Variants in DNM3 observed in about 807,000 individuals in gnomAD.
DNM3 encodes the protein dynamin-3.
DNM3 carries 47 observed loss-of-function variants against 101.6 expected under a neutral mutation model. The observed-to-expected ratio is 0.46, with a 90% CI of 0.37 to 0.59. DNM3 has a LOEUF of 0.59. DNM3 is among the 20% of genes least tolerant of loss of function. The probability of loss-of-function intolerance (pLI) is 0.00; values close to 1 mark genes in which losing one functional copy is unlikely to be tolerated. For synonymous variants in DNM3, 385 were observed against 387.9 expected (o/e 0.99, Z 0.09); for missense variants, 849 against 1,085.7 (o/e 0.78, Z 3.06).
rs1018562883 is a variant in DNM3, at chr1:172,056,656, C to G, written c.1335+7906C>G. Among the ~76,000 whole-genome samples the G allele has an allele frequency of 2.0e-5, 3 of 151,198 alleles. No homozygotes were observed. In the East Asian group the frequency reaches 5.8e-4, roughly 29 times the overall value. ...TCCTGTCTGTTAGAAGGAAAACTAACAAACAGAAAGGACATCCACACCAAA... is the reference window on the plus strand; with the variant it reads ...TCCTGTCTGTTAGAAGGAAAACTAAGAAACAGAAAGGACATCCACACCAAA... On this transcript the variant is annotated intron_variant, in intron 10 of 20. Transcript: ENST00000627582.
intron 1 of DNM3, among the ~76,000 whole-genome samples, chr1:171,888,586 T>A (rs1277090832): frequency 6.6e-6 from 1 of 152,200 alleles, no homozygotes; most frequent in Non-Finnish European, 1.5e-5. Context: ...TTTTCTAAAC[T>A]TCTAAGGTTA....
At chr1:172,238,612 A>G (rs749241556) in intron 14 of DNM3, among the ~76,000 whole-genome samples, 19 of 152,128 alleles carry the variant, frequency 1.2e-4, no homozygotes, top group Non-Finnish European at 2.4e-4. Flanking sequence ...ACCTGCTAGT[A>G]TCAGAGATCG....
At chr1:172,032,263 A>G in intron 4 of DNM3, 139 bp from the exon 5 acceptor site, 1 of 656,150 alleles carries the variant, frequency 1.5e-6, no homozygotes, top group Non-Finnish European at 2.7e-6. Context: ...CTCAAGTAGC[A>G]CTTAGAAAAC....
At chr1:172,164,098 A>G (rs1354035448) in intron 14 of DNM3, among the ~76,000 whole-genome samples, 4 of 152,064 alleles carry the variant, frequency 2.6e-5, no homozygotes, top group Non-Finnish European at 5.9e-5. Context: ...ACTAACCACT[A>G]ACTGAGCTTT....
intron 14 of DNM3, among the ~76,000 whole-genome samples, chr1:172,213,768 T>C (rs1226531569): frequency 6.6e-5 from 10 of 150,882 alleles, no homozygotes; most frequent in Non-Finnish European, 1.3e-4. Flanking sequence ...GTAGAGGTTG[T>C]GCTGAACCAA....
In DNM3 at chr1:171,883,363, C is replaced by CCA. The variant is rs71107337; in HGVS notation, c.162-38335_162-38334dup. Among the ~76,000 whole-genome samples the CCA allele has an allele frequency of 5.8e-3, 699 of 119,984 alleles. 4 individuals carry two copies. Among genetic ancestry groups the CCA allele is most frequent in the Non-Finnish European group, 6.7e-3 (390 of 57,900 alleles). 78.7% of individuals were successfully genotyped at this position (119,984 alleles called of 152,430 possible). On this transcript the variant is annotated intron_variant, in intron 1 of 20. Transcript: ENST00000627582. ...CCATCTCTAAAAAAACAAAAAAGGA[C>CCA]CACACACACACACACACACACACAC...
intron 12 of DNM3, among the ~76,000 whole-genome samples, chr1:172,090,814 T>A (rs2053857648): frequency 6.6e-6 from 1 of 152,186 alleles, no homozygotes; most frequent in South Asian, 2.1e-4. Context: ...TTCTAACTTG[T>A]TACTGCAGCA....
chr1:172,263,037 G>A (rs12737669), intron 15 of DNM3, among the ~76,000 whole-genome samples: 61,814 of 151,968 alleles, frequency 0.41, 13,536 homozygotes, highest in Admixed American at 0.48. Flanking sequence ...GTAAAATAAT[G>A]TTTTTCATAT....
intron 17 of DNM3, among the ~76,000 whole-genome samples, chr1:172,332,990 G>A (rs1326530277): frequency 1.3e-5 from 2 of 152,268 alleles, no homozygotes; most frequent in African/African-American, 4.8e-5. Context: ...GGAAGAAAGT[G>A]CAGAAACCAA....
chr1:172,282,318 C>T (rs2063521103), intron 15 of DNM3, among the ~76,000 whole-genome samples: 1 of 152,150 alleles, frequency 6.6e-6, no homozygotes, highest in Admixed American at 6.6e-5. Flanking sequence ...ATAATAATCA[C>T]TACCAGTCAC....
At chr1:172,068,154 C>T (rs182998615) in intron 10 of DNM3, among the ~76,000 whole-genome samples, 1 of 152,126 alleles carries the variant, frequency 6.6e-6, no homozygotes, top group Non-Finnish European at 1.5e-5. Flanking sequence ...ATGGTGAAAC[C>T]CTGTCTTTAC....
In DNM3 at chr1:171,905,915, A is replaced by G. The variant is rs2038785129; in HGVS notation, c.162-15833A>G. Reference sequence around the variant, plus strand: ...TTGGAAGTAAAGAGTTTTTAATTCCAGGAGGTGGCCCTCTACTGATGTAAG... The same window carrying G: ...TTGGAAGTAAAGAGTTTTTAATTCCGGGAGGTGGCCCTCTACTGATGTAAG... On this transcript the variant is annotated intron_variant, in intron 1 of 20. Coordinates refer to ENST00000627582, the MANE Select transcript of DNM3 (RefSeq NM_015569.5). Among the ~76,000 whole-genome samples the G allele has an allele frequency of 2.0e-5, 3 of 152,138 alleles. No homozygotes were observed. In the South Asian group the frequency reaches 6.2e-4, roughly 32 times the overall value.
intron 6 of DNM3, among the ~76,000 whole-genome samples, chr1:172,035,360 G>A (rs932990062): frequency 6.6e-6 from 1 of 152,124 alleles, no homozygotes; most frequent in African/African-American, 2.4e-5. Flanking sequence ...ACATCTTACA[G>A]CTATAGGTAT....
rs1164400587 is a variant in DNM3 at position 172,411,308 on chromosome 1, T to C, written c.*3467T>C. 1 of 985,078 alleles carries C rather than the reference T, an allele frequency of 1.0e-6. No homozygotes were observed. The highest frequency in any genetic ancestry group is 1.2e-6 in the Non-Finnish European group (1 of 829,770). The allele number at this position is 985,078 out of a possible 1,614,324, so 61.0% of individuals were successfully genotyped here. On this transcript the variant is annotated 3_prime_UTR_variant, in exon 21 of 21. Transcript: ENST00000627582. ...GTCATTTTGAGAGGTACAAAGCTCA[T>C]AATTACCATGACAACATGGTAATGT...
rs191684612 is a variant in DNM3, at chr1:171,952,625, A to G, written c.235+30804A>G. On this transcript the variant is annotated intron_variant, in intron 2 of 20. Coordinates refer to ENST00000627582, the MANE Select transcript of DNM3 (RefSeq NM_015569.5). ...GGGGAGGCTTAGGATTTTATTTTTG[A>G]TTTACAGGGGCAAATACAGTAGAAG... 7.9e-5 allele frequency among the ~76,000 whole-genome samples: 12 copies of G among 152,218 alleles called. No individual in the cohort carries two copies. The East Asian group carries it at 2.3e-3, about 29-fold the overall frequency.
At chr1:172,047,747 G>T (rs559893197) in intron 9 of DNM3, among the ~76,000 whole-genome samples, 1 of 152,226 alleles carries the variant, frequency 6.6e-6, no homozygotes, top group South Asian at 2.1e-4. Flanking sequence ...GTGTTGAAAA[G>T]ATTTTCCAAA....
intron 14 of DNM3, chr1:172,142,197 A>G (rs2057619333): frequency 6.6e-6 from 1 of 152,074 alleles, no homozygotes; most frequent in South Asian, 2.1e-4. Flanking sequence ...TTTCCTCTGG[A>G]ATAGATTCCA....
intron 9 of DNM3, among the ~76,000 whole-genome samples, chr1:172,046,159 T>C (rs941833125): frequency 2.6e-5 from 4 of 152,112 alleles, no homozygotes; most frequent in Admixed American, 1.3e-4. Context: ...CCAACCCAAA[T>C]GTCCAACAAT....
chr1:172,035,202 T>G (rs2048872207), intron 6 of DNM3, among the ~76,000 whole-genome samples: 1 of 152,108 alleles, frequency 6.6e-6, no homozygotes, highest in African/African-American at 2.4e-5. Context: ...TCTTATGAAG[T>G]CACCAAGATG....
Sources: allele counts gnomAD v4.1 joint callset (sites outside exome capture counted in the v4.1 genomes callset), GRCh38; gene constraint gnomAD v4.1.1; transcripts MANE v1.5; gene names NCBI Gene and HGNC (gene_info 2026-07-23, HGNC 2026-07-21).